The following KLHL32 variants were observed in gnomAD, a reference collection of about 807,000 sequenced individuals.
KLHL32 encodes the protein kelch-like protein 32.
Under a neutral mutation model 64.8 loss-of-function variants are expected in KLHL32, and 35 were observed. The ratio of observed to expected loss-of-function variants is 0.54; its 90% CI spans 0.41 to 0.72. KLHL32 has a LOEUF of 0.72. Ranked by LOEUF, KLHL32 falls within the 30% of genes least tolerant of loss-of-function variation. The pLI is 0.00. For missense variants in KLHL32, 589 were observed against 768.5 expected, an observed-to-expected ratio of 0.77 and a Z score of 2.76; for synonymous variants, 259 against 281.0, an observed-to-expected ratio of 0.92 and a Z score of 0.78.
At chr6:96,943,929 T>C (rs1472558428) in intron 1 of KLHL32, among the ~76,000 whole-genome samples, 2 of 152,226 alleles carry the variant, frequency 1.3e-5, no homozygotes, top group African/African-American at 2.4e-5. Context: ...AAAGCTGTTC[T>C]CATGTTCAGA....
chr6:97,139,513 C>T lies in KLHL32; in HGVS notation c.*231C>T. On this transcript the variant is annotated 3_prime_UTR_variant, in exon 11 of 11. Transcript: ENST00000369261. The stretch of plus-strand genomic sequence containing the variant: ...ACTTTTATTGTGGTATAGCTTAGTG[C>T]CAATTTAAGGTATATTGTGTTCCAT... 2.2e-6 allele frequency: 1 copy of T among 464,648 alleles called. No individual in the cohort carries two copies. Among genetic ancestry groups the T allele is most frequent in the Non-Finnish European group, 3.8e-6 (1 of 261,640 alleles). 28.8% of individuals were successfully genotyped at this position (464,648 alleles called of 1,614,324 possible). A position where few individuals can be genotyped will look rare whatever the true frequency, so the allele number is the denominator to read the frequency against.
chr6:96,904,292 A>G, the KLHL32 span, among the ~76,000 whole-genome samples: 2 of 148,448 alleles, frequency 1.3e-5, no homozygotes, highest in East Asian at 2.0e-4. Flanking sequence ...CAGTGAGCCG[A>G]TATCAGGCCA....
chr6:96,944,543 G>T lies in KLHL32; in HGVS notation c.-66+19517G>T, dbSNP rs572380939. 2.2e-4 allele frequency among the ~76,000 whole-genome samples: 33 copies of T among 152,240 alleles called. No individual in the cohort carries two copies. In the South Asian group the frequency reaches 6.6e-3, roughly 31 times the overall value. ...ATATGGGTTTTATGAGTTTGATGAT[G>T]CTATATATTCATATTGTACTTCATA... On this transcript the variant is annotated intron_variant, in intron 1 of 10. Coordinates refer to ENST00000369261, the MANE Select transcript of KLHL32 (RefSeq NM_052904.4).
At chr6:96,924,398 C>G (rs1049687801), upstream of KLHL32, among the ~76,000 whole-genome samples, 1 of 141,586 alleles carries the variant, frequency 7.1e-6, no homozygotes, top group Non-Finnish European at 1.5e-5. Context: ...TGCCGGAGAG[C>G]GAGGAGGAGG....
chr6:96,986,498 C>T (rs1290014364), intron 3 of KLHL32, among the ~76,000 whole-genome samples: 3 of 152,192 alleles, frequency 2.0e-5, no homozygotes, highest in African/African-American at 7.2e-5. Context: ...GGCAGGCCTC[C>T]TTGAGCTGTG....
intron 3 of KLHL32, among the ~76,000 whole-genome samples, chr6:97,003,806 T>C (rs1779339881): frequency 6.6e-6 from 1 of 152,198 alleles, no homozygotes; most frequent in African/African-American, 2.4e-5. Flanking sequence ...GTTGTAGGTA[T>C]GTGGCTTTAT....
chr6:96,906,861 G>A, the KLHL32 span, among the ~76,000 whole-genome samples: 4 of 152,104 alleles, frequency 2.6e-5, no homozygotes, highest in Admixed American at 1.3e-4. Context: ...TCACTTAGAG[G>A]TTCCCAACCC....
chr6:97,071,313 A>G (rs1315154655), intron 5 of KLHL32, among the ~76,000 whole-genome samples: 1 of 152,008 alleles, frequency 6.6e-6, no homozygotes, highest in Non-Finnish European at 1.5e-5. Flanking sequence ...ACTCCTCTAC[A>G]GCATTTAAAC....
intron 6 of KLHL32, among the ~76,000 whole-genome samples, chr6:97,086,987 G>A (rs1582980927): frequency 6.6e-6 from 1 of 152,204 alleles, no homozygotes; most frequent in Admixed American, 6.5e-5. Flanking sequence ...AGAGATTGAC[G>A]TGGTAATGTG....
At chr6:96,944,114 T>A (rs1003458936) in intron 1 of KLHL32, among the ~76,000 whole-genome samples, 1 of 152,304 alleles carries the variant, frequency 6.6e-6, no homozygotes, top group East Asian at 1.9e-4. Context: ...CATCGTTATA[T>A]CAAAGATGGG....
At chr6:97,009,227 GGAAT>G (rs1440166257) in intron 3 of KLHL32, among the ~76,000 whole-genome samples, 1 of 150,984 alleles carries the variant, frequency 6.6e-6, no homozygotes, top group African/African-American at 2.4e-5. Context: ...ACAATAGAGT[GGAAT>G]TTTGGTTTAT....
chr6:97,131,011 C>T lies in KLHL32; in HGVS notation c.1606+62C>T, dbSNP rs565507674. The T allele has an allele frequency of 1.4e-4, 205 of 1,454,892 alleles. 1 individual carries two copies. In the South Asian group the frequency reaches 1.9e-3, roughly 14 times the overall value. 90.1% of individuals were successfully genotyped at this position (1,454,892 alleles called of 1,614,324 possible). On this transcript the variant is annotated intron_variant, in intron 9 of 10. Transcript: ENST00000369261. Reference sequence around the variant, plus strand: ...ATTCAAGAAGTCACCAAACTTGTTTCATAGACATCTTTAGGGCATCACTAA... The same window carrying T: ...ATTCAAGAAGTCACCAAACTTGTTTTATAGACATCTTTAGGGCATCACTAA...
intron 5 of KLHL32, among the ~76,000 whole-genome samples, chr6:97,072,629 T>C (rs558759735): frequency 1.3e-5 from 2 of 152,148 alleles, no homozygotes; most frequent in South Asian, 4.1e-4. Context: ...ATGAACTTTG[T>C]GCATTTCCCT....
chr6:97,041,137 A>G (rs1225872061), intron 3 of KLHL32, among the ~76,000 whole-genome samples: 4 of 152,186 alleles, frequency 2.6e-5, no homozygotes, highest in African/African-American at 4.8e-5. Flanking sequence ...TTCATGTCCT[A>G]TTGGGCAGGA....
intron 3 of KLHL32, among the ~76,000 whole-genome samples, chr6:97,032,347 T>C (rs1778920666): frequency 6.6e-6 from 1 of 152,202 alleles, no homozygotes. Flanking sequence ...TGATTACCAA[T>C]ATGGTGTTCC....
intron 6 of KLHL32, among the ~76,000 whole-genome samples, chr6:97,107,242 G>A (rs1457188881): frequency 6.6e-6 from 1 of 151,662 alleles, no homozygotes; most frequent in Non-Finnish European, 1.5e-5. Flanking sequence ...GCAGTGAGCC[G>A]AGATCGCGCC....
rs181150719 is a variant in KLHL32, at chr6:97,104,576, C to T, written c.628-9207C>T. ...TTTTTTTCTTACAGTATATGAGCCT[C>T]GGGCCTCATCAGATTTGGTTCCATT... On this transcript the variant is annotated intron_variant, in intron 6 of 10. Transcript: ENST00000369261. Among the ~76,000 whole-genome samples the T allele has an allele frequency of 6.3e-4, 96 of 152,160 alleles. 1 individual carries two copies. Among genetic ancestry groups the T allele is most frequent in the Admixed American group, 2.3e-3 (35 of 15,262 alleles).
chr6:96,907,794 A>C, the KLHL32 span, among the ~76,000 whole-genome samples: 10 of 152,214 alleles, frequency 6.6e-5, no homozygotes, highest in Non-Finnish European at 1.5e-5. Flanking sequence ...AATATGATTC[A>C]TGTGTATAAC....
chr6:97,048,067 G>A lies in KLHL32; in HGVS notation c.312+6468G>A, dbSNP rs561835152. On this transcript the variant is annotated intron_variant, in intron 4 of 10. Coordinates refer to ENST00000369261, the MANE Select transcript of KLHL32 (RefSeq NM_052904.4). ...GTAGTGGAGGAAGGGTTGAAACCTAGTTAGCTTCCTCTTAATTTCCGGAGA... is the reference window on the plus strand; with the variant it reads ...GTAGTGGAGGAAGGGTTGAAACCTAATTAGCTTCCTCTTAATTTCCGGAGA... 2.0e-4 allele frequency among the ~76,000 whole-genome samples: 31 copies of A among 152,356 alleles called. No homozygotes were observed. The South Asian group carries it at 5.8e-3, about 29-fold the overall frequency.
Sources: gnomAD v4.1 joint callset for allele counts (sites outside exome capture counted in the v4.1 genomes callset) on GRCh38, gnomAD v4.1.1 for gene constraint, MANE v1.5 for transcripts, NCBI Gene and HGNC (gene_info 2026-07-23, HGNC 2026-07-21) for gene names.